Variants in FLVCR2 observed in about 807,000 individuals in gnomAD.
FLVCR2 encodes the protein choline/ethanolamine transporter FLVCR2.
FLVCR2 carries 38 observed loss-of-function variants against 48.9 expected under a neutral mutation model. The observed-to-expected ratio is 0.78, with a 90% CI of 0.60 to 1.02. The LOEUF (loss-of-function observed/expected upper bound fraction) is 1.02. Ranked by LOEUF, FLVCR2 falls within the 50% of genes least tolerant of loss-of-function variation. The pLI, the probability that FLVCR2 is intolerant of heterozygous loss-of-function variation, is 0.00. For synonymous variants in FLVCR2, 255 were observed against 257.0 expected (o/e 0.99, Z 0.07); for missense variants, 664 against 663.3 (o/e 1.00, Z -0.01).
intron 6 of FLVCR2, chr14:75,640,745 A>C: frequency 1.6e-6 from 1 of 606,908 alleles, no homozygotes; most frequent in East Asian, 2.9e-5. Flanking sequence ...TGCTGAGCAC[A>C]AGGTCTCCCT....
chr14:75,591,841 T>A lies in FLVCR2; in HGVS notation c.669+12200T>A, dbSNP rs142795107. Among the ~76,000 whole-genome samples, 145 of 124,088 alleles carry A rather than the reference T, an allele frequency of 1.2e-3. 4 individuals carry two copies. In the East Asian group the frequency reaches 0.027, roughly 23 times the overall value. The allele number at this position is 124,088 out of a possible 152,430, so 81.4% of individuals were successfully genotyped here. A position where few individuals can be genotyped will look rare whatever the true frequency, so the allele number is the denominator to read the frequency against. ...TTTTTTTTTTTTTTTTGACAAAGGG[T>A]CTTACTCTGTCACCCAGGCTGGAGT... is the stretch of plus-strand genomic sequence containing the variant. On this transcript the variant is annotated intron_variant, in intron 1 of 9. Transcript: ENST00000238667.
rs1888795791 is a variant in FLVCR2 at position 75,588,157 on chromosome 14, TCACAGA to T, written c.669+8517_669+8522del. Reference sequence around the variant, plus strand: ...TGCCTTAGTTTGTTTTATGCTGCTGTCACAGAATACCACAGACTGGGTAATTTGTAA... The same window carrying T: ...TGCCTTAGTTTGTTTTATGCTGCTGTATACCACAGACTGGGTAATTTGTAA... On this transcript the variant is annotated intron_variant, in intron 1 of 9. Transcript: ENST00000238667. Among the ~76,000 whole-genome samples the T allele has an allele frequency of 2.6e-5, 4 of 152,222 alleles. No individual in the cohort carries two copies. The South Asian group carries it at 8.3e-4, about 32-fold the overall frequency.
At chr14:75,638,039 G>A (rs569071452) in intron 5 of FLVCR2, among the ~76,000 whole-genome samples, 9 of 152,300 alleles carry the variant, frequency 5.9e-5, no homozygotes, top group African/African-American at 1.9e-4. Context: ...GATAGAGAAG[G>A]TTTCTCACAT....
chr14:75,626,572 T>C (rs1889905052), intron 3 of FLVCR2, among the ~76,000 whole-genome samples: 2 of 151,924 alleles, frequency 1.3e-5, no homozygotes, highest in South Asian at 4.1e-4. Context: ...TCTCTGAGTA[T>C]GTCTCCCCAT....
intron 1 of FLVCR2, among the ~76,000 whole-genome samples, chr14:75,611,164 C>T (rs1889434508): frequency 6.6e-6 from 1 of 152,126 alleles, no homozygotes; most frequent in East Asian, 1.9e-4. Flanking sequence ...AACAAGAAAC[C>T]TGTAAAGTGT....
chr14:75,583,821 A>G (rs1326993710), intron 1 of FLVCR2, among the ~76,000 whole-genome samples: 3 of 152,102 alleles, frequency 2.0e-5, no homozygotes, highest in Non-Finnish European at 4.4e-5. Flanking sequence ...GTAATGTGGA[A>G]TTGGTAGCCT....
In FLVCR2 at chr14:75,616,026, C is replaced by CAAAAAA. The variant is rs10629813; in HGVS notation, c.670-6036_670-6031dup. On this transcript the variant is annotated intron_variant, in intron 1 of 9. Transcript: ENST00000238667. ...TGGGTGACAGAGTGAGACTCCATCT[C>CAAAAAA]AAAAAAAAAAAAAAAAAAAAAATAG... is the stretch of plus-strand genomic sequence containing the variant. 7.4e-4 allele frequency among the ~76,000 whole-genome samples: 19 copies of CAAAAAA among 25,614 alleles called. 3 individuals carry two copies. Among genetic ancestry groups the CAAAAAA allele is most frequent in the Non-Finnish European group, 9.8e-4 (15 of 15,378 alleles). The allele number at this position is 25,614 out of a possible 152,430, so 16.8% of individuals were successfully genotyped here.
intron 1 of FLVCR2, among the ~76,000 whole-genome samples, chr14:75,620,361 G>GC (rs1889731701): frequency 6.6e-6 from 1 of 152,218 alleles, no homozygotes; most frequent in Non-Finnish European, 1.5e-5. Flanking sequence ...GGCCAGAGAA[G>GC]CCAGGAGATC....
At chr14:75,633,022 A>G (rs1890083337) in intron 3 of FLVCR2, 1 of 700,118 alleles carries the variant, frequency 1.4e-6, no homozygotes, top group African/African-American at 1.8e-5. Flanking sequence ...CTAAAGATAC[A>G]GCCTTTCACA....
In FLVCR2 at chr14:75,579,136, C is replaced by T. The variant is rs372243784; in HGVS notation, c.164C>T (p.Pro55Leu). ...GTCCACCCCAGCAGTTCGGCCCACC[C>T]CAGTGCCTTAGCCCAACCCAGTGGC... ...VSVHPSSSAH[P>L]SALAQPSGLA... The change falls in exon 1 of 10, where the codon CCC becomes CTC. Residue 55 changes from proline (P) to leucine (L), a missense_variant. Transcript: ENST00000238667. 76 of 1,614,138 alleles carry T rather than the reference C, an allele frequency of 4.7e-5. No individual in the cohort carries two copies. Among genetic ancestry groups the T allele is most frequent in the Middle Eastern group, 1.6e-4 (1 of 6,062 alleles).
intron 3 of FLVCR2, among the ~76,000 whole-genome samples, chr14:75,625,174 G>A (rs17103542): frequency 0.059 from 8,952 of 152,000 alleles, 535 homozygotes; most frequent in East Asian, 0.33. Flanking sequence ...CAGCAGTGTC[G>A]GGCCTCGAGT....
Position 75,647,817 on chromosome 14 carries a change from G to C in FLVCR2, c.*1345G>C, listed in dbSNP as rs191394641. On this transcript the variant is annotated 3_prime_UTR_variant, in exon 10 of 10. Transcript: ENST00000238667. The stretch of plus-strand genomic sequence containing the variant: ...TGGCCTCAGCATATCAGGGCAGCCT[G>C]TGCTGGCTGCAATACTGTGGTGCTT... The C allele has an allele frequency of 6.5e-6, 1 of 152,780 alleles. No homozygotes were observed. Among genetic ancestry groups the C allele is most frequent in the Admixed American group, 6.5e-5 (1 of 15,278 alleles). 9.5% of individuals were successfully genotyped at this position (152,780 alleles called of 1,614,324 possible).
chr14:75,607,351 T>C (rs1424378986), intron 1 of FLVCR2, among the ~76,000 whole-genome samples: 1 of 151,860 alleles, frequency 6.6e-6, no homozygotes, highest in African/African-American at 2.4e-5. Context: ...TAAACGGAGG[T>C]GCAATTAAAA....
chr14:75,635,083 G>A, intron 5 of FLVCR2, 70 bp downstream of exon 5: 1 of 993,442 alleles, frequency 1.0e-6, no homozygotes, highest in South Asian at 1.3e-5. Context: ...CATAAGCAGT[G>A]TGACTCCAAG....
rs1361919437 is a variant in FLVCR2 at position 75,623,646 on chromosome 14, G to A, written c.812-966G>A. Among the ~76,000 whole-genome samples the A allele has an allele frequency of 2.0e-5, 3 of 151,872 alleles. No individual in the cohort carries two copies. In the East Asian group the frequency reaches 5.8e-4, roughly 29 times the overall value. On this transcript the variant is annotated intron_variant, in intron 2 of 9. Coordinates refer to ENST00000238667, the MANE Select transcript of FLVCR2 (RefSeq NM_017791.3). Reference sequence around the variant, plus strand: ...CTTTTCCATCATGTGTTGCTAGTGTGTTTTTTCAGTTCTCTGTGGTATGTT... The same window carrying A: ...CTTTTCCATCATGTGTTGCTAGTGTATTTTTTCAGTTCTCTGTGGTATGTT...
intron 3 of FLVCR2, among the ~76,000 whole-genome samples, chr14:75,627,525 T>C (rs1038096663): frequency 2.6e-5 from 4 of 152,160 alleles, no homozygotes; most frequent in African/African-American, 9.7e-5. Flanking sequence ...CTCGCAGCCG[T>C]GGAGCTGTGA....
chr14:75,644,972 C>T (rs2140057598), intron 9 of FLVCR2, among the ~76,000 whole-genome samples: 1 of 152,010 alleles, frequency 6.6e-6, no homozygotes, highest in African/African-American at 2.4e-5. Context: ...TCTGTCTCCA[C>T]TAACTTGTTT....
intron 1 of FLVCR2, among the ~76,000 whole-genome samples, chr14:75,600,973 C>A (rs1346440793): frequency 6.6e-6 from 1 of 151,976 alleles, no homozygotes; most frequent in Non-Finnish European, 1.5e-5. Context: ...AGACCCTAAC[C>A]TAGCCGCGCT....
chr14:75,611,883 C>T (rs1012674228), intron 1 of FLVCR2, among the ~76,000 whole-genome samples: 2 of 152,180 alleles, frequency 1.3e-5, no homozygotes, highest in Non-Finnish European at 2.9e-5. Flanking sequence ...ATAGCAGACA[C>T]TCAGTACATA....
Sources: gnomAD v4.1 joint callset for allele counts (sites outside exome capture counted in the v4.1 genomes callset) on GRCh38, gnomAD v4.1.1 for gene constraint, MANE v1.5 for transcripts, NCBI Gene and HGNC (gene_info 2026-07-23, HGNC 2026-07-21) for gene names.